EPHA6: variants seen among roughly 807,000 people sequenced by gnomAD.
The protein encoded by EPHA6 is ephrin type-A receptor 6.
A neutral mutation model predicts 112.0 loss-of-function variants in EPHA6; 50 were observed. That is an observed-to-expected ratio of 0.45 (90% CI 0.36 to 0.56). The LOEUF (loss-of-function observed/expected upper bound fraction) is 0.56, where lower values mean the gene tolerates loss of function less well. Ranked by LOEUF, EPHA6 falls within the 20% of genes least tolerant of loss-of-function variation. The pLI is 0.00. For missense variants in EPHA6, 1,280 were observed against 1,417.4 expected (o/e 0.90, Z 1.56); for synonymous variants, 529 against 490.7 (o/e 1.08, Z -1.03).
chr3:97,620,950 A>G (rs1320419237), intron 13 of EPHA6, among the ~76,000 whole-genome samples: 1 of 152,074 alleles, frequency 6.6e-6, no homozygotes, highest in Non-Finnish European at 1.5e-5. Context: ...TCTATTATAA[A>G]CACACACGCA....
At chr3:97,102,832 G>C (rs1468734214) in intron 3 of EPHA6, among the ~76,000 whole-genome samples, 2 of 151,934 alleles carry the variant, frequency 1.3e-5, no homozygotes, top group Non-Finnish European at 2.9e-5. Context: ...TGACTCATGT[G>C]AGTTGGTATC....
At chr3:97,460,825 G>A (rs750268270) in intron 7 of EPHA6, among the ~76,000 whole-genome samples, 2 of 152,130 alleles carry the variant, frequency 1.3e-5, no homozygotes, top group Non-Finnish European at 2.9e-5. Flanking sequence ...GTCAACAGCT[G>A]CATCTTTCCA....
At chr3:97,629,495 C>T (rs1229771644) in intron 13 of EPHA6, among the ~76,000 whole-genome samples, 1 of 151,798 alleles carries the variant, frequency 6.6e-6, no homozygotes, top group Non-Finnish European at 1.5e-5. Context: ...CATGAGTATA[C>T]CTCTTTAAAC....
chr3:97,285,589 TG>T (rs2080436760), intron 5 of EPHA6, among the ~76,000 whole-genome samples: 1 of 152,116 alleles, frequency 6.6e-6, no homozygotes, highest in Non-Finnish European at 1.5e-5. Flanking sequence ...AGTATTCCAT[TG>T]TGTATATATC....
intron 15 of EPHA6, among the ~76,000 whole-genome samples, chr3:97,722,555 T>G (rs1435263074): frequency 6.6e-6 from 1 of 152,128 alleles, no homozygotes; most frequent in Non-Finnish European, 1.5e-5. Context: ...TTGTTTACAG[T>G]CCATGTAGCT....
intron 14 of EPHA6, among the ~76,000 whole-genome samples, chr3:97,707,308 T>G (rs1394415737): frequency 6.6e-6 from 1 of 152,100 alleles, no homozygotes; most frequent in African/African-American, 2.4e-5. Flanking sequence ...AAAAGAAGAA[T>G]GAAAGATCCT....
chr3:97,367,393 T>C lies in EPHA6; in HGVS notation c.1607-37757T>C, dbSNP rs2084796226. Among the ~76,000 whole-genome samples the C allele has an allele frequency of 3.3e-5, 5 of 152,098 alleles. No homozygotes were observed. In the South Asian group the frequency reaches 1.0e-3, roughly 32 times the overall value. On this transcript the variant is annotated intron_variant, in intron 5 of 17. Coordinates refer to ENST00000389672, the MANE Select transcript of EPHA6 (RefSeq NM_001080448.3). ...AGGAGAGCAAGGTCCCAGTATCAAT[T>C]TCCCTGGCTCACCTCCTGCGTGTTA...
At chr3:97,650,875 A>AG (rs2094103606) in intron 14 of EPHA6, among the ~76,000 whole-genome samples, 2 of 150,330 alleles carry the variant, frequency 1.3e-5, no homozygotes, top group South Asian at 2.1e-4. Context: ...AAAAAAAAAA[A>AG]GGAGAGGACT....
intron 5 of EPHA6, among the ~76,000 whole-genome samples, chr3:97,254,654 A>G (rs1291199438): frequency 6.6e-6 from 1 of 152,342 alleles, no homozygotes; most frequent in East Asian, 1.9e-4. Flanking sequence ...AAGAGAATGT[A>G]GAGTTCAGCT....
At chr3:97,162,992 C>T (rs1388331601) in intron 3 of EPHA6, among the ~76,000 whole-genome samples, 1 of 152,146 alleles carries the variant, frequency 6.6e-6, no homozygotes, top group African/African-American at 2.4e-5. Context: ...TGTGTATCAG[C>T]CCCTGCTGCC....
At chr3:97,327,962 T>A (rs1213644049) in intron 5 of EPHA6, among the ~76,000 whole-genome samples, 1 of 108,056 alleles carries the variant, frequency 9.3e-6, no homozygotes, top group African/African-American at 8.4e-5. Context: ...TATCTGTGTG[T>A]ATATATATGT....
At position 97,436,272 on chromosome 3, in the gene EPHA6, G is replaced by A. The variant is rs76423838; in HGVS notation, c.1732-12296G>A. 8.2e-3 allele frequency among the ~76,000 whole-genome samples: 1,251 copies of A among 152,158 alleles called. 14 individuals carry two copies. The highest frequency in any genetic ancestry group is 0.027 in the African/African-American group (1,112 of 41,526). ...AGAATGTTAAAATCTTTATTTTGGG[G>A]AGGAGAAACTGGATTTCTTGAATCC... On this transcript the variant is annotated intron_variant, in intron 6 of 17. Transcript: ENST00000389672.
At chr3:97,347,858 C>A (rs2083606645) in intron 5 of EPHA6, among the ~76,000 whole-genome samples, 1 of 151,876 alleles carries the variant, frequency 6.6e-6, no homozygotes, top group Admixed American at 6.6e-5. Context: ...AATTAAAGTG[C>A]AACATAAATC....
rs575983140 is a variant in EPHA6 at position 96,998,309 on chromosome 3, T to C, written c.1114+10316T>C. Among the ~76,000 whole-genome samples the C allele has an allele frequency of 2.0e-5, 3 of 152,078 alleles. No individual in the cohort carries two copies. In the South Asian group the frequency reaches 6.2e-4, roughly 31 times the overall value. Reference sequence around the variant, plus strand: ...CTACCTTTTAAACAAGTGAAATTAATATGTATATATATGCAATAGTTGGAA... The same window carrying C: ...CTACCTTTTAAACAAGTGAAATTAACATGTATATATATGCAATAGTTGGAA... On this transcript the variant is annotated intron_variant, in intron 3 of 17. Transcript: ENST00000389672.
At chr3:97,361,153 A>G (rs138588346) in intron 5 of EPHA6, among the ~76,000 whole-genome samples, 74 of 152,350 alleles carry the variant, frequency 4.9e-4, no homozygotes, top group African/African-American at 1.7e-3. Context: ...ATAGGCATGC[A>G]TCATTTATAG....
intron 6 of EPHA6, 119 bp from the exon 7 acceptor site, chr3:97,448,449 T>A: frequency 9.4e-7 from 1 of 1,067,772 alleles, no homozygotes; most frequent in South Asian, 1.5e-5. Context: ...CTAACACTAC[T>A]TTGTAATCAA....
At chr3:97,211,989 A>G (rs1427943818) in intron 3 of EPHA6, among the ~76,000 whole-genome samples, 1 of 152,220 alleles carries the variant, frequency 6.6e-6, no homozygotes, top group Non-Finnish European at 1.5e-5. Context: ...AGTTATTATT[A>G]CTAATATATC....
Position 96,830,889 on chromosome 3 carries a change from A to G in EPHA6, c.385+15881A>G, listed in dbSNP as rs192818480. ...AGCATAGTTAATGATAATAAAGTAG[A>G]TGTTAAGTGTTCTCACTGCACAAGT... On this transcript the variant is annotated intron_variant, in intron 1 of 17. Coordinates refer to ENST00000389672, the MANE Select transcript of EPHA6 (RefSeq NM_001080448.3). 7.9e-5 allele frequency among the ~76,000 whole-genome samples: 12 copies of G among 152,128 alleles called. No individual in the cohort carries two copies. In the East Asian group the frequency reaches 2.3e-3, roughly 29 times the overall value.
At chr3:97,074,570 C>A (rs542887180) in intron 3 of EPHA6, among the ~76,000 whole-genome samples, 1 of 151,582 alleles carries the variant, frequency 6.6e-6, no homozygotes. Flanking sequence ...TTTAATGCAC[C>A]AAAGATTCTC....
Sources: allele counts gnomAD v4.1 joint callset (sites outside exome capture counted in the v4.1 genomes callset), GRCh38; gene constraint gnomAD v4.1.1; transcripts MANE v1.5; gene names NCBI Gene and HGNC (gene_info 2026-07-23, HGNC 2026-07-21).